NBEA: variants seen among roughly 807,000 people sequenced by gnomAD.
NBEA encodes neurobeachin.
NBEA carries 44 observed loss-of-function variants against 343.4 expected under a neutral mutation model. That is an observed-to-expected ratio of 0.13 (90% CI 0.10 to 0.16). NBEA has a LOEUF of 0.16. NBEA is among the 10% of genes least tolerant of loss of function. The probability of loss-of-function intolerance (pLI) is 1.00; values close to 1 mark genes in which losing one functional copy is unlikely to be tolerated. For synonymous variants in NBEA, 1,175 were observed against 1,238.7 expected (o/e 0.95, Z 1.08); for missense variants, 2,555 against 3,631.3 (o/e 0.70, Z 7.62).
intron 35 of NBEA, among the ~76,000 whole-genome samples, chr13:35,296,631 T>C (rs2036151370): frequency 1.3e-5 from 2 of 152,052 alleles, no homozygotes; most frequent in African/African-American, 4.8e-5. Context: ...AAAATTCACA[T>C]TTCCCTTTCT....
chr13:35,533,829 G>A (rs570973113), intron 41 of NBEA, among the ~76,000 whole-genome samples: 2 of 152,132 alleles, frequency 1.3e-5, no homozygotes, highest in East Asian at 1.9e-4. Flanking sequence ...AGTACTTGCT[G>A]TGTGCCACAC....
chr13:35,633,196 G>A (rs908450011), intron 49 of NBEA, among the ~76,000 whole-genome samples: 1 of 151,136 alleles, frequency 6.6e-6, no homozygotes, highest in Non-Finnish European at 1.5e-5. Context: ...TCTGCCTCCC[G>A]GGTTCACGCC....
Position 35,158,054 on chromosome 13 carries a change from C to T in NBEA, c.2844+784C>T, listed in dbSNP as rs186094396. On this transcript the variant is annotated intron_variant, in intron 21 of 58. Transcript: ENST00000379939. Reference sequence around the variant, plus strand: ...CAACTCTGCCGTTCAGTGTGAAAGACAATACATAATGTAAATGAATGATCA... The same window carrying T: ...CAACTCTGCCGTTCAGTGTGAAAGATAATACATAATGTAAATGAATGATCA... Among the ~76,000 whole-genome samples the T allele has an allele frequency of 2.6e-3, 397 of 152,230 alleles. 2 individuals are homozygous for T. The highest frequency in any genetic ancestry group is 9.2e-3 in the African/African-American group (382 of 41,556).
At chr13:35,424,525 T>C (rs1566112433) in intron 38 of NBEA, among the ~76,000 whole-genome samples, 2 of 152,184 alleles carry the variant, frequency 1.3e-5, no homozygotes, top group Non-Finnish European at 2.9e-5. Context: ...GATAAGCTTA[T>C]TGATGTGCTG....
intron 36 of NBEA, among the ~76,000 whole-genome samples, chr13:35,348,884 T>C (rs952615107): frequency 1.3e-5 from 2 of 152,052 alleles, no homozygotes; most frequent in African/African-American, 4.8e-5. Context: ...ACTGAATTGC[T>C]GATTAACAAG....
chr13:35,477,024 A>G (rs1157512611), intron 41 of NBEA: 4 of 168,810 alleles, frequency 2.4e-5, no homozygotes, highest in African/African-American at 7.2e-5. Flanking sequence ...AGGTGTATTA[A>G]TGGGCATCCA....
At chr13:35,659,398 A>AT (rs2084963876) in intron 55 of NBEA, among the ~76,000 whole-genome samples, 3 of 152,216 alleles carry the variant, frequency 2.0e-5, no homozygotes, top group Non-Finnish European at 4.4e-5. Context: ...TGACTTTAAC[A>AT]TATTTGTTTC....
At chr13:35,500,792 G>C (rs1057036466) in intron 41 of NBEA, among the ~76,000 whole-genome samples, 8 of 150,300 alleles carry the variant, frequency 5.3e-5, no homozygotes, top group African/African-American at 2.0e-4. Flanking sequence ...ATTTTTAGGA[G>C]AATAGTTAGA....
At chr13:35,463,755 T>A (rs12869108) in intron 40 of NBEA, among the ~76,000 whole-genome samples, 27,474 of 151,730 alleles carry the variant, frequency 0.18, 2,602 homozygotes, top group East Asian at 0.32. Context: ...AAGGAGAGAA[T>A]AGGAGTGAGG....
chr13:35,258,556 G>A (rs2032890110), intron 34 of NBEA, among the ~76,000 whole-genome samples: 2 of 151,752 alleles, frequency 1.3e-5, no homozygotes, highest in South Asian at 2.1e-4. Flanking sequence ...AAAAACAGTG[G>A]CAGAATAGGT....
At chr13:35,472,326 T>C (rs2075687887) in intron 40 of NBEA, 74 bp from the exon 41 acceptor site, 1 of 1,528,672 alleles carries the variant, frequency 6.5e-7, no homozygotes. Context: ...AATAAAAACC[T>C]CTGGTACCTT....
intron 38 of NBEA, among the ~76,000 whole-genome samples, chr13:35,359,507 A>G (rs2040686435): frequency 6.8e-6 from 1 of 146,552 alleles, no homozygotes; most frequent in African/African-American, 2.7e-5. Context: ...TTGCTATTCT[A>G]CCAAAAAAAT....
intron 41 of NBEA, among the ~76,000 whole-genome samples, chr13:35,493,158 G>C (rs1463592880): frequency 1.3e-5 from 2 of 151,878 alleles, no homozygotes; most frequent in Non-Finnish European, 2.9e-5. Flanking sequence ...ATGAAGAGTA[G>C]AATGAATGCT....
rs568387554 is a variant in NBEA, at chr13:35,297,738, G to T, written c.5838+7288G>T. 6.5e-4 allele frequency among the ~76,000 whole-genome samples: 98 copies of T among 151,840 alleles called. No homozygotes were observed. The South Asian group carries it at 0.018, about 29-fold the overall frequency. ...CTTCCACTCCTAGTATAAATATCCA[G>T]CATATAGTATAGGTAGTTATTAATG... On this transcript the variant is annotated intron_variant, in intron 35 of 58. Transcript: ENST00000379939.
intron 2 of NBEA, 103 bp downstream of exon 2, chr13:35,041,267 G>A (rs746553311): frequency 1.0e-6 from 1 of 956,976 alleles, no homozygotes. Flanking sequence ...ACATTACTTT[G>A]ATTTAAAATA....
chr13:35,312,972 G>A (rs1008434863), intron 36 of NBEA, among the ~76,000 whole-genome samples: 5 of 152,170 alleles, frequency 3.3e-5, no homozygotes, highest in Admixed American at 3.3e-4. Context: ...TCCAAAGAGA[G>A]AGCTGGCATG....
At chr13:35,096,551 T>A (rs1223344988) in intron 10 of NBEA, among the ~76,000 whole-genome samples, 1 of 151,848 alleles carries the variant, frequency 6.6e-6, no homozygotes, top group Non-Finnish European at 1.5e-5. Flanking sequence ...GAAATACTTT[T>A]TTGCCTTTTT....
chr13:35,157,280 G>T lies in NBEA; in HGVS notation c.2844+10G>T, dbSNP rs757918878. 2.0e-5 allele frequency: 30 copies of T among 1,516,012 alleles called. No homozygotes were observed. Among genetic ancestry groups the T allele is most frequent in the Middle Eastern group, 3.5e-4 (2 of 5,702 alleles). 93.9% of individuals were successfully genotyped at this position (1,516,012 alleles called of 1,614,324 possible). A position where few individuals can be genotyped will look rare whatever the true frequency, so the allele number is the denominator to read the frequency against. On this transcript the variant is annotated intron_variant, in intron 21 of 58. Coordinates refer to ENST00000379939, the MANE Select transcript of NBEA (RefSeq NM_001385012.1). ...AATAGCCCATTCCAAGGTAACACGG[G>T]ATTTAACATTTTAACATCATCAGAG...
intron 36 of NBEA, among the ~76,000 whole-genome samples, chr13:35,327,355 G>A (rs1234851460): frequency 2.0e-5 from 3 of 151,932 alleles, no homozygotes; most frequent in African/African-American, 7.2e-5. Context: ...TATTCACAAT[G>A]GCAAAGACAT....
Sources: allele counts gnomAD v4.1 joint callset (sites outside exome capture counted in the v4.1 genomes callset), GRCh38; gene constraint gnomAD v4.1.1; transcripts MANE v1.5; gene names NCBI Gene and HGNC (gene_info 2026-07-23, HGNC 2026-07-21).